Variants in CCDC171 observed in about 807,000 individuals in gnomAD.
CCDC171 encodes the protein coiled-coil domain containing 171.
A neutral mutation model predicts 168.2 loss-of-function variants in CCDC171; 177 were observed. That is an observed-to-expected ratio of 1.05 (90% CI 0.93 to 1.19). CCDC171 has a LOEUF of 1.19. CCDC171 is among the 50% of genes most tolerant of loss of function. The probability of loss-of-function intolerance (pLI) is 0.00; values close to 1 mark genes in which losing one functional copy is unlikely to be tolerated. For synonymous variants in CCDC171, 687 were observed against 540.8 expected, an observed-to-expected ratio of 1.27 and a Z score of -3.75; for missense variants, 1,991 against 1,539.0, an observed-to-expected ratio of 1.29 and a Z score of -4.91.
At chr9:15,666,098 A>T in intron 8 of CCDC171, 65 bp from the exon 9 acceptor site, 1 of 1,390,110 alleles carries the variant, frequency 7.2e-7, no homozygotes, top group Non-Finnish European at 1.0e-6. Context: ...AAAGTATTCT[A>T]CTCAATTTAA....
chr9:16,081,132 T>C, the CCDC171 span, among the ~76,000 whole-genome samples: 1 of 152,186 alleles, frequency 6.6e-6, no homozygotes, highest in Non-Finnish European at 1.5e-5. Flanking sequence ...CCAACATTCT[T>C]CTCATCACTT....
Position 15,904,494 on chromosome 9 carries a change from G to A in CCDC171, c.3601-15776G>A, listed in dbSNP as rs551947315. ...TGCTGAGAGATTTTGTCACCACCAG[G>A]CCTGCCCTAAAAGAGCTCCTGAAGG... On this transcript the variant is annotated intron_variant, in intron 24 of 25. Transcript: ENST00000380701. 3.3e-3 allele frequency among the ~76,000 whole-genome samples: 506 copies of A among 151,590 alleles called. 3 individuals carry two copies. The highest frequency in any genetic ancestry group is 0.012 in the African/African-American group (484 of 41,392).
At chr9:15,905,533 G>A (rs1295956056) in intron 24 of CCDC171, among the ~76,000 whole-genome samples, 2 of 152,002 alleles carry the variant, frequency 1.3e-5, no homozygotes, top group African/African-American at 4.8e-5. Context: ...GTGTGTAGAG[G>A]GAAGTTTATA....
At chr9:15,556,512 G>T (rs2132401404) in intron 1 of CCDC171, among the ~76,000 whole-genome samples, 1 of 152,230 alleles carries the variant, frequency 6.6e-6, no homozygotes, top group Non-Finnish European at 1.5e-5. Context: ...ATTTTTTCAT[G>T]TGTCTGTTGG....
intron 10 of CCDC171, among the ~76,000 whole-genome samples, chr9:15,680,943 G>C (rs908154272): frequency 1.3e-5 from 2 of 152,066 alleles, no homozygotes; most frequent in African/African-American, 4.8e-5. Flanking sequence ...CCTAATTCTG[G>C]TTTTCTAGCA....
chr9:15,727,387 GTATAACTTTTTTTCATCAGAGTTGAA>G (rs2053875189), intron 14 of CCDC171, among the ~76,000 whole-genome samples: 1 of 152,128 alleles, frequency 6.6e-6, no homozygotes, highest in South Asian at 2.1e-4. Context: ...ACAGATATTG[GTATAACTTTTTTTCATCAGAGTTGAA>G]TAACACTTTT....
intron 9 of CCDC171, among the ~76,000 whole-genome samples, chr9:15,675,187 G>GTTTTTTTTTTTTTTTTT (rs138989790): frequency 1.4e-3 from 105 of 75,512 alleles, no homozygotes; most frequent in Middle Eastern, 0.014. Context: ...TGCAACTCCT[G>GTTTTTTTTTTTTTTTTT]TTTTTTTTTT....
At chr9:15,730,467 T>C (rs535216469) in intron 16 of CCDC171, among the ~76,000 whole-genome samples, 1 of 151,906 alleles carries the variant, frequency 6.6e-6, no homozygotes, top group Non-Finnish European at 1.5e-5. Flanking sequence ...TAGGGTATAC[T>C]TTTTTGGCAT....
intron 25 of CCDC171, among the ~76,000 whole-genome samples, chr9:15,952,007 TA>T (rs751013301): frequency 2.6e-5 from 4 of 152,216 alleles, no homozygotes; most frequent in Non-Finnish European, 4.4e-5. Context: ...GGTCTTACAT[TA>T]GGTCCTTGAT....
At chr9:15,564,232 G>A in intron 2 of CCDC171, 103 bp downstream of exon 2, 1 of 777,454 alleles carries the variant, frequency 1.3e-6, no homozygotes, top group Non-Finnish European at 2.1e-6. Context: ...CTCATGGGAT[G>A]GTAAGGGGAG....
chr9:15,557,376 T>C (rs2038897288), intron 1 of CCDC171, among the ~76,000 whole-genome samples: 2 of 152,202 alleles, frequency 1.3e-5, no homozygotes, highest in African/African-American at 4.8e-5. Context: ...TCCATGAGCA[T>C]GGAATGTTCT....
chr9:16,042,685 C>T (rs1833591733), upstream of CCDC171: 1 of 152,106 alleles, frequency 6.6e-6, no homozygotes, highest in African/African-American at 2.4e-5. Context: ...TGGGGACCTG[C>T]AGTTTCTCTA....
chr9:15,644,303 C>T (rs1023310717), intron 7 of CCDC171, among the ~76,000 whole-genome samples: 2 of 152,170 alleles, frequency 1.3e-5, no homozygotes, highest in African/African-American at 2.4e-5. Flanking sequence ...CAGTCTACAG[C>T]ACCCAGCGTG....
At chr9:15,693,871 T>C (rs1254956830) in intron 10 of CCDC171, among the ~76,000 whole-genome samples, 1 of 152,184 alleles carries the variant, frequency 6.6e-6, no homozygotes, top group Admixed American at 6.5e-5. Context: ...ACCTTCCTTC[T>C]TACCAAGAGA....
chr9:15,566,379 G>A (rs1430712301), intron 2 of CCDC171, among the ~76,000 whole-genome samples: 8 of 151,948 alleles, frequency 5.3e-5, no homozygotes, highest in South Asian at 4.2e-4. Context: ...CCAATATGGC[G>A]AAACCCCATC....
intron 6 of CCDC171, among the ~76,000 whole-genome samples, chr9:16,033,943 G>A (rs1435565885): frequency 6.6e-6 from 1 of 152,230 alleles, no homozygotes; most frequent in African/African-American, 2.4e-5. Flanking sequence ...GAGGAGGGGA[G>A]TGGAATGGTG....
intron 24 of CCDC171, among the ~76,000 whole-genome samples, chr9:15,895,888 G>A (rs904306811): frequency 6.6e-6 from 1 of 151,882 alleles, no homozygotes; most frequent in African/African-American, 2.4e-5. Flanking sequence ...ATTAGTATTG[G>A]TGTTATCATC....
At chr9:15,623,469 G>GCGCGCGCGCGCGCGCA (rs769377316) in intron 7 of CCDC171, 56 bp downstream of exon 7, 12 of 529,874 alleles carry the variant, frequency 2.3e-5, no homozygotes, top group Middle Eastern at 4.6e-4. Context: ...ACATATGCGC[G>GCGCGCGCGCGCGCGCA]CGCGCGCACA....
At chr9:16,094,837 C>T in the CCDC171 span, among the ~76,000 whole-genome samples, 2 of 152,108 alleles carry the variant, frequency 1.3e-5, no homozygotes, top group South Asian at 4.1e-4. Flanking sequence ...GGACACAGAT[C>T]CAAATCATCA....
Sources: allele counts gnomAD v4.1 joint callset (sites outside exome capture counted in the v4.1 genomes callset), GRCh38; gene constraint gnomAD v4.1.1; transcripts MANE v1.5; gene names NCBI Gene and HGNC (gene_info 2026-07-23, HGNC 2026-07-21).